Variants in OR1J2 observed in about 807,000 individuals in gnomAD.
The protein encoded by OR1J2 is olfactory receptor 1J2.
For synonymous variants in OR1J2, 142 were observed against 99.7 expected (o/e 1.42, Z -2.52); for missense variants, 304 against 246.1 (o/e 1.24, Z -1.57).
chr9:122,477,160 A>G, the OR1J2 span: 1 of 1,614,204 alleles, frequency 6.2e-7, no homozygotes, highest in Non-Finnish European at 8.5e-7. Flanking sequence ...ATAGAGACCA[A>G]TAATTGTCCG....
the OR1J2 span, among the ~76,000 whole-genome samples, chr9:122,491,176 T>C: frequency 1.3e-5 from 2 of 152,188 alleles, no homozygotes; most frequent in Non-Finnish European, 2.9e-5. Flanking sequence ...TCTCTAAATT[T>C]ATGGCTTGGA....
chr9:122,579,214 A>G, the OR1J2 span, among the ~76,000 whole-genome samples: 1 of 151,966 alleles, frequency 6.6e-6, no homozygotes. Flanking sequence ...ATTTGATAGC[A>G]TATTTTGAAT....
chr9:122,556,366 C>T, the OR1J2 span, among the ~76,000 whole-genome samples: 11 of 151,374 alleles, frequency 7.3e-5, no homozygotes, highest in Admixed American at 7.3e-4. Context: ...GTCTTTCATC[C>T]TTTGTCAAAA....
At chr9:122,503,518 G>A in the OR1J2 span, among the ~76,000 whole-genome samples, 2 of 152,166 alleles carry the variant, frequency 1.3e-5, no homozygotes, top group African/African-American at 2.4e-5. Flanking sequence ...ACACCACATT[G>A]GTGAAGGACA....
At chr9:122,567,900 A>G in the OR1J2 span, 1 of 1,614,090 alleles carries the variant, frequency 6.2e-7, no homozygotes, top group Non-Finnish European at 8.5e-7. Flanking sequence ...ATTGACAAAT[A>G]TGGAAGAGCA....
the OR1J2 span, among the ~76,000 whole-genome samples, chr9:122,560,880 C>T: frequency 6.6e-6 from 1 of 152,130 alleles, no homozygotes. Flanking sequence ...GTCTGTCTTG[C>T]TAGGTTGGGG....
the OR1J2 span, chr9:122,519,881 G>A: frequency 6.2e-7 from 1 of 1,614,040 alleles, no homozygotes; most frequent in Non-Finnish European, 8.5e-7. Flanking sequence ...ACCTCTCTGT[G>A]GTGTCTCTGT....
At chr9:122,553,780 T>C in the OR1J2 span, 32 of 1,613,980 alleles carry the variant, frequency 2.0e-5, no homozygotes, top group Non-Finnish European at 2.6e-5. Context: ...CTCCTGAAGC[T>C]TGCCTGCTCA....
chr9:122,543,972 A>AT, the OR1J2 span, among the ~76,000 whole-genome samples: 1 of 152,202 alleles, frequency 6.6e-6, no homozygotes, highest in African/African-American at 2.4e-5. Context: ...GGTTATCATA[A>AT]TCATAATTTT....
At chr9:122,535,611 A>G in the OR1J2 span, among the ~76,000 whole-genome samples, 4 of 152,114 alleles carry the variant, frequency 2.6e-5, no homozygotes, top group African/African-American at 4.8e-5. Context: ...CCGGATTTGA[A>G]ATTGGTGAGA....
chr9:122,504,672 G>A, the OR1J2 span, among the ~76,000 whole-genome samples: 12 of 152,014 alleles, frequency 7.9e-5, no homozygotes, highest in African/African-American at 1.7e-4. Flanking sequence ...TCTGTAATGC[G>A]TCAGACTTTA....
At chr9:122,453,180 G>T in the OR1J2 span, among the ~76,000 whole-genome samples, 74 of 152,338 alleles carry the variant, frequency 4.9e-4, no homozygotes, top group African/African-American at 1.7e-3. Flanking sequence ...AGATGCTGGT[G>T]TCATGCTTGT....
chr9:122,553,361 G>A, the OR1J2 span: 3 of 1,613,904 alleles, frequency 1.9e-6, no homozygotes, highest in Middle Eastern at 1.7e-4. Context: ...TCATTATCCT[G>A]GCCATCAGCT....
the OR1J2 span, among the ~76,000 whole-genome samples, chr9:122,533,863 C>T: frequency 1.8e-4 from 28 of 152,132 alleles, no homozygotes; most frequent in Non-Finnish European, 4.1e-4. Flanking sequence ...TGATGGTCTA[C>T]AGGGCTTCTG....
the OR1J2 span, chr9:122,567,817 G>A: frequency 1.0e-4 from 161 of 1,614,022 alleles, no homozygotes; most frequent in African/African-American, 1.5e-3. Flanking sequence ...GTGAGGATTC[G>A]TATATAAGAG....
chr9:122,491,745 A>G, the OR1J2 span, among the ~76,000 whole-genome samples: 1 of 152,154 alleles, frequency 6.6e-6, no homozygotes, highest in Non-Finnish European at 1.5e-5. Flanking sequence ...CACATGGTGG[A>G]TGGTTAGATT....
the OR1J2 span, among the ~76,000 whole-genome samples, chr9:122,458,356 A>C: frequency 6.6e-6 from 1 of 152,172 alleles, no homozygotes; most frequent in Non-Finnish European, 1.5e-5. Flanking sequence ...GCTAAAGTCT[A>C]GTTTTCTGTA....
chr9:122,449,190 C>T, the OR1J2 span, among the ~76,000 whole-genome samples: 42,309 of 151,746 alleles, frequency 0.28, 6,114 homozygotes, highest in African/African-American at 0.36. Context: ...GCAACAGCAC[C>T]GTGGAGGCCT....
the OR1J2 span, among the ~76,000 whole-genome samples, chr9:122,494,178 A>G: frequency 6.6e-6 from 1 of 152,088 alleles, no homozygotes; most frequent in Non-Finnish European, 1.5e-5. Flanking sequence ...AGAATGTTCT[A>G]TAAATATCTG....
Sources: gnomAD v4.1 joint callset for allele counts (sites outside exome capture counted in the v4.1 genomes callset) on GRCh38, gnomAD v4.1.1 for gene constraint, MANE v1.5 for transcripts, NCBI Gene and HGNC (gene_info 2026-07-23, HGNC 2026-07-21) for gene names.